The following CSMD1 variants were observed in gnomAD, a reference collection of about 807,000 sequenced individuals.
CSMD1 encodes CUB and sushi domain-containing protein 1.
Under a neutral mutation model 417.5 loss-of-function variants are expected in CSMD1, and 213 were observed. The ratio of observed to expected loss-of-function variants is 0.51; its 90% CI spans 0.46 to 0.57. The LOEUF is 0.57. CSMD1 is among the 20% of genes least tolerant of loss of function. The probability of loss-of-function intolerance (pLI) is 0.00; values close to 1 mark genes in which losing one functional copy is unlikely to be tolerated. For missense variants in CSMD1, 6,923 were observed against 4,529.7 expected, an observed-to-expected ratio of 1.53 and a Z score of -15.17; for synonymous variants, 2,862 against 1,736.8, an observed-to-expected ratio of 1.65 and a Z score of -16.11.
chr8:4,254,393 A>G (rs1372673810), intron 3 of CSMD1, among the ~76,000 whole-genome samples: 2 of 152,324 alleles, frequency 1.3e-5, no homozygotes, highest in Admixed American at 6.5e-5. Flanking sequence ...GTCTCAGTCA[A>G]CAACGAATGC....
chr8:4,510,160 G>T (rs530122412), intron 2 of CSMD1, among the ~76,000 whole-genome samples: 1 of 152,020 alleles, frequency 6.6e-6, no homozygotes, highest in South Asian at 2.1e-4. Flanking sequence ...CTGCTGCCAT[G>T]GAAGACGTGA....
At chr8:3,267,509 G>T (rs1370310564) in intron 26 of CSMD1, among the ~76,000 whole-genome samples, 2 of 152,160 alleles carry the variant, frequency 1.3e-5, no homozygotes, top group East Asian at 1.9e-4. Context: ...GGAGCTCTCC[G>T]GAGTCCAGAG....
chr8:4,666,202 T>G (rs962851214), intron 1 of CSMD1, among the ~76,000 whole-genome samples: 1 of 152,134 alleles, frequency 6.6e-6, no homozygotes, highest in Non-Finnish European at 1.5e-5. Flanking sequence ...TCCTACTTCC[T>G]GGAAACTGTG....
At chr8:4,737,500 A>T (rs555450169) in intron 1 of CSMD1, among the ~76,000 whole-genome samples, 1 of 151,538 alleles carries the variant, frequency 6.6e-6, no homozygotes, top group Admixed American at 6.6e-5. Context: ...AATAACAATT[A>T]AAAAAAAACA....
At chr8:4,306,452 T>C (rs111970368) in intron 3 of CSMD1, among the ~76,000 whole-genome samples, 2 of 152,232 alleles carry the variant, frequency 1.3e-5, no homozygotes, top group Non-Finnish European at 2.9e-5. Flanking sequence ...AAAAATATTT[T>C]ATCACCTCCA....
At chr8:3,432,959 G>A (rs957611981) in intron 12 of CSMD1, among the ~76,000 whole-genome samples, 3 of 152,122 alleles carry the variant, frequency 2.0e-5, no homozygotes, top group Admixed American at 6.5e-5. Context: ...AAATGGGGGG[G>A]TTACAGTCAG....
chr8:4,697,352 T>A (rs1170859308), intron 1 of CSMD1, among the ~76,000 whole-genome samples: 1 of 152,128 alleles, frequency 6.6e-6, no homozygotes, highest in African/African-American at 2.4e-5. Flanking sequence ...TGAGAAATAT[T>A]TATGATGCTT....
At chr8:4,409,223 A>C (rs1326278347) in intron 3 of CSMD1, among the ~76,000 whole-genome samples, 3 of 152,178 alleles carry the variant, frequency 2.0e-5, no homozygotes, top group Non-Finnish European at 2.9e-5. Context: ...TGATTGATGA[A>C]ATTCGAATGC....
At chr8:3,608,109 G>C (rs1842727) in intron 8 of CSMD1, among the ~76,000 whole-genome samples, 45,681 of 150,870 alleles carry the variant, frequency 0.3, 7,867 homozygotes, top group Middle Eastern at 0.46. Context: ...GAGGTGGAGA[G>C]GTTGCAGTGA....
intron 3 of CSMD1, among the ~76,000 whole-genome samples, chr8:4,148,302 G>A (rs566477016): frequency 1.9e-4 from 28 of 146,398 alleles, no homozygotes; most frequent in African/African-American, 7.1e-4. Flanking sequence ...CTCACTCATA[G>A]GTGGGAATTG....
chr8:4,221,629 A>G (rs1055367930), intron 3 of CSMD1, among the ~76,000 whole-genome samples: 4 of 152,074 alleles, frequency 2.6e-5, no homozygotes, highest in African/African-American at 9.7e-5. Flanking sequence ...GAATAAGACA[A>G]TTTCACATCC....
At chr8:4,249,772 G>C (rs1201438597) in intron 3 of CSMD1, among the ~76,000 whole-genome samples, 2 of 151,936 alleles carry the variant, frequency 1.3e-5, no homozygotes, top group Non-Finnish European at 2.9e-5. Context: ...GGAATTAATG[G>C]GGCACTTGGG....
chr8:4,074,872 C>G (rs139153074), intron 3 of CSMD1, among the ~76,000 whole-genome samples: 4 of 152,158 alleles, frequency 2.6e-5, no homozygotes, highest in African/African-American at 7.2e-5. Context: ...CCAGAATGCA[C>G]ACTCCTCTTA....
At chr8:2,992,000 T>C (rs1806429031) in intron 54 of CSMD1, among the ~76,000 whole-genome samples, 2 of 152,196 alleles carry the variant, frequency 1.3e-5, no homozygotes, top group Admixed American at 1.3e-4. Flanking sequence ...ACATAACAGA[T>C]TTAAATATTC....
intron 11 of CSMD1, among the ~76,000 whole-genome samples, chr8:3,484,355 G>A (rs933853769): frequency 7.9e-5 from 12 of 152,172 alleles, no homozygotes; most frequent in African/African-American, 2.7e-4. Context: ...TTCAACAAAT[G>A]CTACTGAACA....
At chr8:4,272,569 A>T (rs1312354263) in intron 3 of CSMD1, among the ~76,000 whole-genome samples, 1 of 152,176 alleles carries the variant, frequency 6.6e-6, no homozygotes, top group African/African-American at 2.4e-5. Context: ...CCAGTTATTT[A>T]CTTGCAGTAT....
intron 10 of CSMD1, among the ~76,000 whole-genome samples, chr8:3,503,525 A>C (rs1238049638): frequency 6.6e-6 from 1 of 152,246 alleles, no homozygotes. Context: ...TTCATGCTAA[A>C]ATCTCCCAGA....
At chr8:4,414,462 G>A (rs1200773965) in intron 3 of CSMD1, among the ~76,000 whole-genome samples, 1 of 152,058 alleles carries the variant, frequency 6.6e-6, no homozygotes. Context: ...CTCATTTTCT[G>A]TTTGTGAGGA....
At chr8:4,058,481 C>A (rs1798810785) in intron 3 of CSMD1, among the ~76,000 whole-genome samples, 1 of 152,290 alleles carries the variant, frequency 6.6e-6, no homozygotes, top group African/African-American at 2.4e-5. Flanking sequence ...CATCTGCAAA[C>A]AGGGACAATT....
Sources: allele counts gnomAD v4.1 joint callset (sites outside exome capture counted in the v4.1 genomes callset), GRCh38; gene constraint gnomAD v4.1.1; transcripts MANE v1.5; gene names NCBI Gene and HGNC (gene_info 2026-07-23, HGNC 2026-07-21).